The following ZNF804B variants were observed in gnomAD, a reference collection of about 807,000 sequenced individuals.
ZNF804B encodes the protein zinc finger 804B.
A neutral mutation model predicts 101.4 loss-of-function variants in ZNF804B; 80 were observed. That is an observed-to-expected ratio of 0.79 (90% CI 0.66 to 0.95). The LOEUF (loss-of-function observed/expected upper bound fraction) is 0.95. Among genes scored for constraint, ZNF804B ranks in the 40% least tolerant of loss-of-function variants. The probability of loss-of-function intolerance (pLI) is 0.00; values close to 1 mark genes in which losing one functional copy is unlikely to be tolerated. For missense variants in ZNF804B, 1,673 were observed against 1,561.9 expected, an observed-to-expected ratio of 1.07 and a Z score of -1.20; for synonymous variants, 622 against 558.8, an observed-to-expected ratio of 1.11 and a Z score of -1.59.
In ZNF804B at chr7:89,218,302, C is replaced by A. The variant is rs200429600; in HGVS notation, c.249+7C>A. 7.1e-5 allele frequency: 114 copies of A among 1,613,142 alleles called. No homozygotes were observed. The highest frequency in any genetic ancestry group is 9.0e-5 in the Non-Finnish European group (106 of 1,179,540). Reference sequence around the variant, plus strand: ...TGACCATGCTCATAAGCAGGTAAGGCAAAGTGGGAAAAGTCCTTCATATTC... The same window carrying A: ...TGACCATGCTCATAAGCAGGTAAGGAAAAGTGGGAAAAGTCCTTCATATTC... On this transcript the variant is annotated splice_region_variant and intron_variant, in intron 2 of 3. Transcript: ENST00000333190.
intron 1 of ZNF804B, among the ~76,000 whole-genome samples, chr7:89,073,870 G>T (rs1789578561): frequency 6.6e-6 from 1 of 152,130 alleles, no homozygotes; most frequent in Admixed American, 6.5e-5. Context: ...TATTCAAAAT[G>T]ATGTCAATCT....
At chr7:89,014,088 T>C (rs981421249) in intron 1 of ZNF804B, among the ~76,000 whole-genome samples, 3 of 152,182 alleles carry the variant, frequency 2.0e-5, no homozygotes, top group Non-Finnish European at 2.9e-5. Flanking sequence ...AATTGTTGAA[T>C]CATATGGTAG....
intron 1 of ZNF804B, among the ~76,000 whole-genome samples, chr7:89,163,116 T>C (rs1434352936): frequency 6.6e-6 from 1 of 152,022 alleles, no homozygotes; most frequent in Non-Finnish European, 1.5e-5. Context: ...TTAATCAAAA[T>C]GGTAAAGATA....
chr7:89,229,826 A>T (rs986232589), intron 2 of ZNF804B, among the ~76,000 whole-genome samples: 6 of 152,194 alleles, frequency 3.9e-5, no homozygotes, highest in African/African-American at 1.4e-4. Flanking sequence ...AAAAATACAC[A>T]TTAAAAGTTT....
intron 1 of ZNF804B, among the ~76,000 whole-genome samples, chr7:88,934,430 A>T (rs552888863): frequency 5.5e-4 from 83 of 152,224 alleles, no homozygotes; most frequent in Non-Finnish European, 9.9e-4. Flanking sequence ...CTTTCTGCAC[A>T]GCAAAAGAAA....
chr7:88,809,659 C>G (rs1790751768), intron 1 of ZNF804B, among the ~76,000 whole-genome samples: 1 of 152,014 alleles, frequency 6.6e-6, no homozygotes, highest in Non-Finnish European at 1.5e-5. Context: ...CAAAGTAAAC[C>G]CATGAATTTT....
intron 1 of ZNF804B, among the ~76,000 whole-genome samples, chr7:89,127,751 A>C (rs1291019921): frequency 6.6e-6 from 1 of 151,614 alleles, no homozygotes; most frequent in South Asian, 2.1e-4. Flanking sequence ...AATATTTTTC[A>C]AAATAAACAT....
chr7:88,974,605 G>T (rs550334097), intron 1 of ZNF804B, among the ~76,000 whole-genome samples: 4 of 151,056 alleles, frequency 2.6e-5, no homozygotes, highest in East Asian at 2.0e-4. Context: ...TGAACAAAAG[G>T]TTTAAAAATT....
chr7:89,265,907 C>T (rs574531822), intron 2 of ZNF804B, among the ~76,000 whole-genome samples: 48 of 152,248 alleles, frequency 3.2e-4, no homozygotes, highest in Admixed American at 6.5e-4. Context: ...AGTAAGTTTC[C>T]ATATTGCAGT....
chr7:89,109,700 A>G (rs1790186731), intron 1 of ZNF804B, among the ~76,000 whole-genome samples: 1 of 152,142 alleles, frequency 6.6e-6, no homozygotes. Flanking sequence ...ATCTTCTTTA[A>G]GCATAGCTTA....
chr7:89,002,243 G>A (rs575062705), intron 1 of ZNF804B, among the ~76,000 whole-genome samples: 1 of 151,760 alleles, frequency 6.6e-6, no homozygotes, highest in African/African-American at 2.4e-5. Context: ...ATTTATAGAT[G>A]GGCACTAATG....
At chr7:89,215,711 G>A (rs1002184302) in intron 1 of ZNF804B, among the ~76,000 whole-genome samples, 3 of 151,312 alleles carry the variant, frequency 2.0e-5, no homozygotes, top group African/African-American at 4.9e-5. Flanking sequence ...GTGAAATCCC[G>A]CCTCTACTAA....
intron 1 of ZNF804B, among the ~76,000 whole-genome samples, chr7:88,903,657 G>A (rs1444326154): frequency 6.6e-6 from 1 of 152,080 alleles, no homozygotes; most frequent in African/African-American, 2.4e-5. Context: ...TCTGAGTAGT[G>A]TGAGATGGTA....
At chr7:89,056,555 C>G (rs1312262848) in intron 1 of ZNF804B, among the ~76,000 whole-genome samples, 1 of 152,090 alleles carries the variant, frequency 6.6e-6, no homozygotes, top group Non-Finnish European at 1.5e-5. Context: ...GTCCTAGATG[C>G]CTTTTTCTTG....
At chr7:89,194,480 A>G (rs1008138378) in intron 1 of ZNF804B, among the ~76,000 whole-genome samples, 191 of 150,808 alleles carry the variant, frequency 1.3e-3, no homozygotes, top group Middle Eastern at 6.9e-3. Context: ...ATCTTGAATT[A>G]ATTTTTGTAT....
At chr7:88,854,218 C>T (rs569125202) in intron 1 of ZNF804B, among the ~76,000 whole-genome samples, 2 of 152,084 alleles carry the variant, frequency 1.3e-5, no homozygotes, top group South Asian at 2.1e-4. Context: ...TTAAATAACT[C>T]GATGATGAAT....
At chr7:88,812,713 C>G (rs1231659724) in intron 1 of ZNF804B, among the ~76,000 whole-genome samples, 1 of 152,166 alleles carries the variant, frequency 6.6e-6, no homozygotes, top group Non-Finnish European at 1.5e-5. Context: ...CAATATTATT[C>G]AGCCTTAAAA....
At chr7:88,972,399 G>T (rs1197421444) in intron 1 of ZNF804B, among the ~76,000 whole-genome samples, 2 of 151,316 alleles carry the variant, frequency 1.3e-5, no homozygotes, top group African/African-American at 4.8e-5. Context: ...TTATATGTCA[G>T]ACTGTCTTCC....
intron 1 of ZNF804B, among the ~76,000 whole-genome samples, chr7:89,153,921 T>C (rs12540598): frequency 0.17 from 26,356 of 152,128 alleles, 2,472 homozygotes; most frequent in African/African-American, 0.23. Context: ...CTCTCATTTC[T>C]TTCCGTTTTG....
Sources: allele counts gnomAD v4.1 joint callset (sites outside exome capture counted in the v4.1 genomes callset), GRCh38; gene constraint gnomAD v4.1.1; transcripts MANE v1.5; gene names NCBI Gene and HGNC (gene_info 2026-07-23, HGNC 2026-07-21).